The following RNF157 variants were observed in gnomAD, a reference collection of about 807,000 sequenced individuals.
RNF157 encodes the protein E3 ubiquitin ligase RNF157.
A neutral mutation model predicts 88.3 loss-of-function variants in RNF157; 55 were observed. The observed-to-expected ratio is 0.62, with a 90% CI of 0.50 to 0.78. The LOEUF is 0.78. Ranked by LOEUF, RNF157 falls within the 30% of genes least tolerant of loss-of-function variation. The probability of loss-of-function intolerance (pLI) is 0.00; values close to 1 mark genes in which losing one functional copy is unlikely to be tolerated. For missense variants in RNF157, 788 were observed against 860.8 expected (o/e 0.92, Z 1.06); for synonymous variants, 334 against 341.2 (o/e 0.98, Z 0.23).
chr17:76,145,381 G>A (rs1366510005), intron 18 of RNF157, 28 bp from the exon 19 acceptor site: 4 of 1,572,988 alleles, frequency 2.5e-6, no homozygotes, highest in Non-Finnish European at 3.5e-6. Flanking sequence ...AACATTACAG[G>A]AGCCAGACCT....
intron 18 of RNF157, chr17:76,145,577 C>T (rs2068572654): frequency 4.3e-6 from 2 of 462,326 alleles, no homozygotes; most frequent in Non-Finnish European, 3.8e-6. Context: ...ACAGTCACTG[C>T]CACTGTGGCT....
chr17:76,212,213 C>A (rs2069813661), intron 2 of RNF157, 151 bp downstream of exon 2: 2 of 618,678 alleles, frequency 3.2e-6, no homozygotes, highest in East Asian at 2.7e-5. Context: ...TCCCATACAA[C>A]CAAGGAGGCT....
At chr17:76,156,360 G>A (rs867545322) in intron 13 of RNF157, 39 bp from the exon 14 acceptor site, 2 of 1,613,154 alleles carry the variant, frequency 1.2e-6, no homozygotes, top group African/African-American at 2.7e-5. Context: ...CATGGAGCAA[G>A]CGCCAGTCAC....
intron 1 of RNF157, among the ~76,000 whole-genome samples, chr17:76,213,468 G>A (rs1053116703): frequency 1.3e-5 from 2 of 151,722 alleles, no homozygotes; most frequent in African/African-American, 4.9e-5. Flanking sequence ...TACTTGGGAG[G>A]CTGAGGCAGG....
chr17:76,194,835 G>A (rs1019340157), intron 2 of RNF157, among the ~76,000 whole-genome samples: 1 of 152,114 alleles, frequency 6.6e-6, no homozygotes, highest in Non-Finnish European at 1.5e-5. Flanking sequence ...CTAACATGGT[G>A]AAACCCCGTC....
intron 1 of RNF157, among the ~76,000 whole-genome samples, chr17:76,225,490 C>T (rs2070065078): frequency 6.6e-6 from 1 of 151,952 alleles, no homozygotes; most frequent in East Asian, 1.9e-4. Context: ...ATGTCCAGGT[C>T]TTCCTGTTCT....
intron 2 of RNF157, among the ~76,000 whole-genome samples, chr17:76,202,114 T>TCC (rs1223321874): frequency 1.5e-5 from 2 of 131,768 alleles, no homozygotes; most frequent in African/African-American, 3.4e-5. Context: ...TCTCAGTTTC[T>TCC]CTCTCTCTCT....
At chr17:76,171,647 A>G (rs1180003030) in intron 3 of RNF157, among the ~76,000 whole-genome samples, 1 of 152,128 alleles carries the variant, frequency 6.6e-6, no homozygotes, top group East Asian at 1.9e-4. Flanking sequence ...CTTCAAGTTA[A>G]CATTTATTGA....
At chr17:76,196,453 T>C (rs2069479591) in intron 2 of RNF157, among the ~76,000 whole-genome samples, 1 of 152,222 alleles carries the variant, frequency 6.6e-6, no homozygotes, top group Non-Finnish European at 1.5e-5. Flanking sequence ...AGGGCTCACT[T>C]TGTGAAAATC....
intron 1 of RNF157, among the ~76,000 whole-genome samples, chr17:76,238,542 G>C (rs2070320459): frequency 6.6e-6 from 1 of 152,186 alleles, no homozygotes; most frequent in Admixed American, 6.5e-5. Flanking sequence ...TTGGGGAACA[G>C]CCTTCCAGAG....
chr17:76,156,451 T>G (rs1005261139), intron 13 of RNF157, 130 bp from the exon 14 acceptor site: 1 of 1,478,010 alleles, frequency 6.8e-7, no homozygotes, highest in Non-Finnish European at 8.9e-7. Flanking sequence ...CTGAGTGGCA[T>G]GCAGAGGCCG....
In RNF157 at chr17:76,145,292, G is replaced by A; in HGVS notation, c.1983C>T (p.Ser661=). ...SRNAQRRRLS[S]SSLEDSETRP... ...TCGTCTCAGAGTCCTCCAGGCTGCTGGATGACAAGCGCCGGCGCTGGGCAT... is the reference window on the plus strand; with the variant it reads ...TCGTCTCAGAGTCCTCCAGGCTGCTAGATGACAAGCGCCGGCGCTGGGCAT... The change falls in exon 19 of 19, where the codon TCC becomes TCT. Residue 661 remains serine (S), a synonymous_variant. Coordinates refer to ENST00000269391, the MANE Select transcript of RNF157 (RefSeq NM_052916.3). 1.2e-6 allele frequency: 2 copies of A among 1,611,184 alleles called. No homozygotes were observed. Among genetic ancestry groups the A allele is most frequent in the African/African-American group, 2.7e-5 (2 of 75,052 alleles).
chr17:76,184,400 C>A (rs888394500), intron 2 of RNF157, among the ~76,000 whole-genome samples: 2 of 152,114 alleles, frequency 1.3e-5, no homozygotes, highest in African/African-American at 4.8e-5. Context: ...ATTTTCCCAG[C>A]TTTCTCTGCT....
At chr17:76,236,271 G>A (rs2070281179) in intron 1 of RNF157, among the ~76,000 whole-genome samples, 1 of 152,152 alleles carries the variant, frequency 6.6e-6, no homozygotes, top group South Asian at 2.1e-4. Flanking sequence ...CTAGATTTAT[G>A]AGGTACTGCT....
intron 18 of RNF157, chr17:76,147,013 C>G: frequency 1.0e-6 from 1 of 985,348 alleles, no homozygotes; most frequent in Non-Finnish European, 1.2e-6. Context: ...GTGCTTGACC[C>G]CAGGGGAACA....
Position 76,162,013 on chromosome 17 carries a change from A to G in RNF157, c.793-11T>C, listed in dbSNP as rs2068853354. ...TTCGTCTTCAGCCACCTGGCCAAGG[A>G]GAAAGAAATGTAGCCAATGGCACAA... On this transcript the variant is annotated splice_polypyrimidine_tract_variant and intron_variant, in intron 9 of 18. Coordinates refer to ENST00000269391, the MANE Select transcript of RNF157 (RefSeq NM_052916.3). 6.2e-7 allele frequency: 1 copy of G among 1,611,604 alleles called. No individual in the cohort carries two copies.
chr17:76,208,700 G>A (rs535009026), intron 2 of RNF157, among the ~76,000 whole-genome samples: 11 of 152,166 alleles, frequency 7.2e-5, no homozygotes, highest in Non-Finnish European at 1.3e-4. Flanking sequence ...TTGCCAGCGC[G>A]GTGGCTCACA....
intron 2 of RNF157, among the ~76,000 whole-genome samples, chr17:76,194,218 C>G (rs545059297): frequency 6.6e-6 from 1 of 152,308 alleles, no homozygotes; most frequent in East Asian, 1.9e-4. Context: ...TGTGCCCTCT[C>G]TAGTCAACTC....
intron 1 of RNF157, 74 bp from the exon 2 acceptor site, chr17:76,212,556 G>C (rs989221631): frequency 2.0e-6 from 2 of 985,958 alleles, no homozygotes; most frequent in Non-Finnish European, 1.6e-6. Flanking sequence ...AAAAAAAGCT[G>C]ATTTTTAAAA....
Sources: allele counts gnomAD v4.1 joint callset (sites outside exome capture counted in the v4.1 genomes callset), GRCh38; gene constraint gnomAD v4.1.1; transcripts MANE v1.5; gene names NCBI Gene and HGNC (gene_info 2026-07-23, HGNC 2026-07-21).